FAM193A: variants seen among roughly 807,000 people sequenced by gnomAD.
FAM193A encodes the protein protein FAM193A.
Under a neutral mutation model 126.5 loss-of-function variants are expected in FAM193A, and 22 were observed. The observed-to-expected ratio is 0.17, with a 90% CI of 0.12 to 0.25. The LOEUF is 0.25. FAM193A is among the 10% of genes least tolerant of loss of function. FAM193A has a pLI of 1.00. For missense variants in FAM193A, 1,675 were observed against 1,672.8 expected (o/e 1.00, Z -0.02); for synonymous variants, 761 against 646.8 (o/e 1.18, Z -2.68).
intron 13 of FAM193A, among the ~76,000 whole-genome samples, chr4:2,685,200 T>TGACGTGGTGTAAGG (rs1320796658): frequency 6.6e-6 from 1 of 152,058 alleles, no homozygotes; most frequent in Non-Finnish European, 1.5e-5. Flanking sequence ...GTGTATCAAG[T>TGACGTGGTGTAAGG]GGAGCCTGGT....
intron 19 of FAM193A, among the ~76,000 whole-genome samples, chr4:2,703,594 G>A (rs1392993732): frequency 2.0e-5 from 3 of 152,124 alleles, no homozygotes; most frequent in Non-Finnish European, 4.4e-5. Context: ...GTAAGTACTT[G>A]TGTGCATATG....
intron 20 of FAM193A, among the ~76,000 whole-genome samples, chr4:2,725,228 A>G (rs1037707323): frequency 1.3e-5 from 2 of 151,954 alleles, no homozygotes; most frequent in Non-Finnish European, 2.9e-5. Context: ...ATGTATGTAT[A>G]TACACACACA....
chr4:2,663,040 G>A, intron 11 of FAM193A, 49 bp downstream of exon 11: 1 of 1,597,532 alleles, frequency 6.3e-7, no homozygotes, highest in South Asian at 1.1e-5. Context: ...TAAAATGATG[G>A]TCTGACATTT....
chr4:2,688,744 G>T (rs968390117), intron 13 of FAM193A, among the ~76,000 whole-genome samples: 3 of 152,240 alleles, frequency 2.0e-5, no homozygotes, highest in Non-Finnish European at 4.4e-5. Context: ...GTTGCACTGC[G>T]CCACTGTGAG....
intron 6 of FAM193A, among the ~76,000 whole-genome samples, chr4:2,646,015 T>A (rs1293060078): frequency 6.6e-6 from 1 of 152,040 alleles, no homozygotes; most frequent in Non-Finnish European, 1.5e-5. Context: ...ATATTTATTT[T>A]TTTATCATTT....
At chr4:2,669,566 G>A (rs1424340379) in intron 12 of FAM193A, among the ~76,000 whole-genome samples, 1 of 152,194 alleles carries the variant, frequency 6.6e-6, no homozygotes, top group Admixed American at 6.5e-5. Flanking sequence ...ACAAGATCGC[G>A]CCATTGCGCT....
At chr4:2,716,256 A>G (rs1719518765) in intron 20 of FAM193A, 152 bp downstream of exon 20, 2 of 639,482 alleles carry the variant, frequency 3.1e-6, no homozygotes, top group African/African-American at 3.7e-5. Context: ...TTGTAGTAGG[A>G]CAGGCCAGCC....
intron 1 of FAM193A, among the ~76,000 whole-genome samples, chr4:2,569,199 G>C (rs1299645959): frequency 6.6e-6 from 1 of 151,908 alleles, no homozygotes; most frequent in African/African-American, 2.4e-5. Context: ...TCGAACTCGT[G>C]AGCTCAGGTA....
chr4:2,603,395 C>A (rs113346586), intron 2 of FAM193A, among the ~76,000 whole-genome samples: 22 of 151,208 alleles, frequency 1.5e-4, no homozygotes, highest in African/African-American at 5.1e-4. Context: ...AGCCATTCTC[C>A]TTCCTCAGCC....
At chr4:2,684,981 G>A (rs187241899) in intron 13 of FAM193A, among the ~76,000 whole-genome samples, 9 of 152,312 alleles carry the variant, frequency 5.9e-5, no homozygotes, top group South Asian at 2.1e-4. Context: ...GGAAGTTAAC[G>A]ACTACAGGGC....
chr4:2,555,959 C>G (rs1738231002), intron 1 of FAM193A, among the ~76,000 whole-genome samples: 1 of 150,738 alleles, frequency 6.6e-6, no homozygotes, highest in Non-Finnish European at 1.5e-5. Flanking sequence ...GGCTGGAGTG[C>G]CATGGCCTGA....
At chr4:2,692,902 A>G (rs1716565339) in intron 15 of FAM193A, among the ~76,000 whole-genome samples, 1 of 152,042 alleles carries the variant, frequency 6.6e-6, no homozygotes, top group Non-Finnish European at 1.5e-5. Context: ...GAGAGAAGGG[A>G]GGAAATTTTT....
chr4:2,544,180 A>T (rs1737410503), intron 1 of FAM193A, among the ~76,000 whole-genome samples: 1 of 152,124 alleles, frequency 6.6e-6, no homozygotes, highest in South Asian at 2.1e-4. Flanking sequence ...GTTACCATAC[A>T]CGCTTTAGAA....
chr4:2,541,880 G>C (rs528489229), intron 1 of FAM193A, among the ~76,000 whole-genome samples: 223 of 152,100 alleles, frequency 1.5e-3, no homozygotes, highest in Non-Finnish European at 2.6e-3. Context: ...GCCCAGGCTG[G>C]AGTGCAGTGG....
chr4:2,561,643 C>T (rs1738622504), intron 1 of FAM193A, among the ~76,000 whole-genome samples: 1 of 151,742 alleles, frequency 6.6e-6, no homozygotes. Flanking sequence ...ATTACAGCTG[C>T]TTGTCACCAT....
At chr4:2,622,233 G>A (rs1266956501) in intron 2 of FAM193A, among the ~76,000 whole-genome samples, 4 of 143,666 alleles carry the variant, frequency 2.8e-5, no homozygotes, top group Non-Finnish European at 6.0e-5. Flanking sequence ...CTCCAGCCTG[G>A]GTGATAGAGC....
chr4:2,639,883 G>T, intron 6 of FAM193A, 24 bp downstream of exon 6: 1 of 1,606,822 alleles, frequency 6.2e-7, no homozygotes, highest in South Asian at 1.1e-5. Context: ...ACCCGTATGT[G>T]TCTTTGTGGT....
chr4:2,730,211 G>C (rs1488011065), intron 20 of FAM193A, among the ~76,000 whole-genome samples: 2 of 150,562 alleles, frequency 1.3e-5, no homozygotes, highest in Non-Finnish European at 2.9e-5. Flanking sequence ...GCCAGCTTCA[G>C]ATCTCCTCTT....
intron 2 of FAM193A, among the ~76,000 whole-genome samples, chr4:2,609,847 C>G (rs867924307): frequency 1.3e-5 from 2 of 148,474 alleles, no homozygotes; most frequent in South Asian, 4.3e-4. Context: ...GAGAATCCCT[C>G]TAACCCGGGA....
Sources: allele counts gnomAD v4.1 joint callset (sites outside exome capture counted in the v4.1 genomes callset), GRCh38; gene constraint gnomAD v4.1.1; transcripts MANE v1.5; gene names NCBI Gene and HGNC (gene_info 2026-07-23, HGNC 2026-07-21).